The following PPP2R2C variants were observed in gnomAD, a reference collection of about 807,000 sequenced individuals.
The protein encoded by PPP2R2C is protein phosphatase 2 regulatory subunit Bgamma.
A neutral mutation model predicts 45.3 loss-of-function variants in PPP2R2C; 10 were observed. That is an observed-to-expected ratio of 0.22 (90% confidence interval 0.14 to 0.37). The LOEUF is 0.37. Among genes scored for constraint, PPP2R2C ranks in the 10% least tolerant of loss-of-function variants. The pLI, the probability that PPP2R2C is intolerant of heterozygous loss-of-function variation, is 1.00. For synonymous variants in PPP2R2C, 257 were observed against 245.4 expected, an observed-to-expected ratio of 1.05 and a Z score of -0.44; for missense variants, 308 against 619.7, an observed-to-expected ratio of 0.50 and a Z score of 5.34.
intron 1 of PPP2R2C, chr4:6,383,652 A>G (rs1353218516): frequency 1.4e-5 from 7 of 513,546 alleles, no homozygotes; most frequent in Non-Finnish European, 2.1e-5. Flanking sequence ...GCACCCTCAT[A>G]CAGGACACCC....
chr4:6,342,394 G>A (rs1010452797), intron 6 of PPP2R2C, among the ~76,000 whole-genome samples: 7 of 152,134 alleles, frequency 4.6e-5, no homozygotes, highest in Non-Finnish European at 1.0e-4. Flanking sequence ...TTCCTCATCT[G>A]TAGGATGAAT....
In PPP2R2C at chr4:6,444,454, G is replaced by T. The variant is rs111939742; in HGVS notation, c.70+27706C>A. ...AGAAGACTGAGGCCCCAGATCCCCT[G>T]GATATTAAGGGAGGAATGAGGACTA... On this transcript the variant is annotated intron_variant, in intron 1 of 8. Coordinates refer to ENST00000382599, the MANE Select transcript of PPP2R2C (RefSeq NM_020416.4). 6.7e-3 allele frequency among the ~76,000 whole-genome samples: 1,020 copies of T among 152,224 alleles called. 18 individuals are homozygous for T. The highest frequency in any genetic ancestry group is 0.023 in the African/African-American group (971 of 41,548).
intron 1 of PPP2R2C, among the ~76,000 whole-genome samples, chr4:6,425,651 C>G (rs1480520386): frequency 3.3e-5 from 5 of 152,180 alleles, no homozygotes; most frequent in Non-Finnish European, 5.9e-5. Context: ...GCAATTTCCC[C>G]TTCATCACGT....
At chr4:6,350,718 G>T in intron 5 of PPP2R2C, 1 of 985,382 alleles carries the variant, frequency 1.0e-6, no homozygotes, top group Non-Finnish European at 1.2e-6. Context: ...GTGGCCAGAG[G>T]CTGGTTGCTT....
chr4:6,432,519 C>T (rs1719677762), intron 1 of PPP2R2C, among the ~76,000 whole-genome samples: 1 of 152,210 alleles, frequency 6.6e-6, no homozygotes, highest in African/African-American at 2.4e-5. Flanking sequence ...ACACCAGCTT[C>T]ACTGTCATCT....
chr4:6,417,880 G>A (rs1033031549), intron 1 of PPP2R2C, among the ~76,000 whole-genome samples: 3 of 152,218 alleles, frequency 2.0e-5, no homozygotes, highest in Non-Finnish European at 4.4e-5. Context: ...AAGGCAGCAT[G>A]CCAGCAGATT....
chr4:6,542,879 T>G (rs10030485), intron 1 of PPP2R2C, among the ~76,000 whole-genome samples: 66,499 of 151,964 alleles, frequency 0.44, 15,408 homozygotes, highest in East Asian at 0.71. Context: ...CTTAGATATT[T>G]ACAACCCATT....
At chr4:6,473,378 A>G (rs557291062), upstream of PPP2R2C, among the ~76,000 whole-genome samples, 2 of 152,036 alleles carry the variant, frequency 1.3e-5, no homozygotes, top group African/African-American at 4.8e-5. Context: ...GCCCTCAAAA[A>G]ATATTTGCCT....
chr4:6,461,113 C>T (rs978679454), intron 1 of PPP2R2C, among the ~76,000 whole-genome samples: 2 of 152,168 alleles, frequency 1.3e-5, no homozygotes, highest in Admixed American at 6.5e-5. Flanking sequence ...TTTGGCTTTG[C>T]AGACTCAGCT....
At chr4:6,372,377 A>T in intron 5 of PPP2R2C, 146 bp downstream of exon 5, 3 of 819,360 alleles carry the variant, frequency 3.7e-6, no homozygotes, top group Non-Finnish European at 5.7e-6. Context: ...CCTCACACGC[A>T]TACTAGGAGC....
At chr4:6,403,942 T>A (rs896285624) in intron 1 of PPP2R2C, among the ~76,000 whole-genome samples, 4 of 151,702 alleles carry the variant, frequency 2.6e-5, no homozygotes, top group Admixed American at 2.6e-4. Context: ...GTCACTGTCA[T>A]GGGAGAAAAG....
chr4:6,448,221 G>A lies in PPP2R2C; in HGVS notation c.70+23939C>T, dbSNP rs78197470. On this transcript the variant is annotated intron_variant, in intron 1 of 8. Transcript: ENST00000382599. The stretch of plus-strand genomic sequence containing the variant: ...GTTTCCTCAGGTGGCTCTCACCACC[G>A]CTGCAGGATTTAAGAACTGTTTGAT... 5.3e-4 allele frequency among the ~76,000 whole-genome samples: 81 copies of A among 152,226 alleles called. No individual in the cohort carries two copies. The East Asian group carries it at 0.012, about 23-fold the overall frequency.
Position 6,360,790 on chromosome 4 carries a change from A to C in PPP2R2C, c.625+11733T>G, listed in dbSNP as rs145258980. 4.9e-3 allele frequency among the ~76,000 whole-genome samples: 753 copies of C among 152,346 alleles called. 8 individuals are homozygous for C. Among genetic ancestry groups the C allele is most frequent in the African/African-American group, 0.017 (692 of 41,578 alleles). Reference sequence around the variant, plus strand: ...CAAAATGCTACAGACCGAGTGGCTTAAACAGTATGTGTTTCTCATAGCTAT... The same window carrying C: ...CAAAATGCTACAGACCGAGTGGCTTCAACAGTATGTGTTTCTCATAGCTAT... On this transcript the variant is annotated intron_variant, in intron 5 of 8. Transcript: ENST00000382599.
chr4:6,477,896 G>A (rs1478963072), intron 2 of PPP2R2C, among the ~76,000 whole-genome samples: 5 of 151,586 alleles, frequency 3.3e-5, no homozygotes, highest in Admixed American at 1.3e-4. Flanking sequence ...TCCCCTCCTT[G>A]AGCCAGCCTC....
chr4:6,420,925 G>C, intron 1 of PPP2R2C: 3 of 984,802 alleles, frequency 3.0e-6, no homozygotes, highest in Non-Finnish European at 3.6e-6. Flanking sequence ...TGCTTACCAA[G>C]CCTCCTCCTA....
At chr4:6,543,513 G>A (rs1423982980) in intron 1 of PPP2R2C, among the ~76,000 whole-genome samples, 1 of 152,196 alleles carries the variant, frequency 6.6e-6, no homozygotes, top group African/African-American at 2.4e-5. Context: ...ATGAGGTCAG[G>A]AGTTCGAGAC....
intron 1 of PPP2R2C, among the ~76,000 whole-genome samples, chr4:6,462,317 A>C (rs937216903): frequency 2.0e-5 from 3 of 152,212 alleles, no homozygotes; most frequent in Non-Finnish European, 1.5e-5. Flanking sequence ...TCTACTAAAA[A>C]TACAAAAATT....
At chr4:6,351,373 T>C (rs1467807779) in intron 5 of PPP2R2C, 2 of 983,784 alleles carry the variant, frequency 2.0e-6, no homozygotes, top group East Asian at 1.1e-4. Context: ...CCATTAGGTC[T>C]GTAGCCCTGT....
At chr4:6,525,371 C>A (rs1364248720) in intron 2 of PPP2R2C, among the ~76,000 whole-genome samples, 1 of 152,098 alleles carries the variant, frequency 6.6e-6, no homozygotes. Context: ...TGCCGCTGCA[C>A]TCCAGCCTGG....
Sources: allele counts gnomAD v4.1 joint callset (sites outside exome capture counted in the v4.1 genomes callset), GRCh38; gene constraint gnomAD v4.1.1; transcripts MANE v1.5; gene names NCBI Gene and HGNC (gene_info 2026-07-23, HGNC 2026-07-21).